HIBCH: variants seen among roughly 807,000 people sequenced by gnomAD.
HIBCH encodes the protein 3-hydroxyisobutyryl-CoA hydrolase, mitochondrial.
Under a neutral mutation model 58.2 loss-of-function variants are expected in HIBCH, and 50 were observed. That is an observed-to-expected ratio of 0.86 (90% CI 0.68 to 1.09). The LOEUF (loss-of-function observed/expected upper bound fraction) is 1.09, where lower values mean the gene tolerates loss of function less well. Ranked by LOEUF, HIBCH falls within the 50% of genes least tolerant of loss-of-function variation. HIBCH has a pLI of 0.00. For synonymous variants in HIBCH, 151 were observed against 146.9 expected, an observed-to-expected ratio of 1.03 and a Z score of -0.20; for missense variants, 450 against 449.7, an observed-to-expected ratio of 1.00 and a Z score of -0.01.
intron 11 of HIBCH, among the ~76,000 whole-genome samples, chr2:190,227,952 G>GTTTACATTTACAGTTTGT (rs1237000306): frequency 1.3e-5 from 2 of 152,168 alleles, no homozygotes; most frequent in Admixed American, 6.5e-5. Context: ...CATTGTTTGT[G>GTTTACATTTACAGTTTGT]GGACTGTAAA....
chr2:190,196,694 G>A (rs1426854310), intron 1 of HIBCH, among the ~76,000 whole-genome samples: 1 of 152,040 alleles, frequency 6.6e-6, no homozygotes, highest in Non-Finnish European at 1.5e-5. Context: ...GATTATTTCT[G>A]TTTGAACTTA....
At chr2:190,247,344 C>T (rs973329182) in intron 9 of HIBCH, among the ~76,000 whole-genome samples, 2 of 152,114 alleles carry the variant, frequency 1.3e-5, no homozygotes, top group African/African-American at 2.4e-5. Context: ...CTTCAACCAC[C>T]GCAAAGCATA....
chr2:190,277,909 C>G (rs1687598404), intron 6 of HIBCH, among the ~76,000 whole-genome samples: 1 of 152,212 alleles, frequency 6.6e-6, no homozygotes, highest in Non-Finnish European at 1.5e-5. Flanking sequence ...CTGCCAGATT[C>G]ATGAATTGTT....
At chr2:190,296,691 G>A in intron 3 of HIBCH, 122 bp downstream of exon 3, 1 of 899,360 alleles carries the variant, frequency 1.1e-6, no homozygotes, top group Non-Finnish European at 1.8e-6. Flanking sequence ...AAGAATTGAT[G>A]GGGCTTACTT....
chr2:190,260,540 C>T (rs1354681943), intron 7 of HIBCH: 1 of 152,098 alleles, frequency 6.6e-6, no homozygotes, highest in African/African-American at 2.4e-5. Flanking sequence ...GATAAAGAAC[C>T]TATATAGCCA....
chr2:190,257,833 C>A (rs749591325), intron 7 of HIBCH, among the ~76,000 whole-genome samples: 2 of 152,056 alleles, frequency 1.3e-5, no homozygotes, highest in Non-Finnish European at 2.9e-5. Flanking sequence ...AACTAACCTG[C>A]AAAAACTGGA....
chr2:190,222,136 A>G (rs774632120), intron 11 of HIBCH, among the ~76,000 whole-genome samples: 1 of 152,148 alleles, frequency 6.6e-6, no homozygotes, highest in Non-Finnish European at 1.5e-5. Context: ...GGCACCCCCT[A>G]GACGCTGCTG....
intron 6 of HIBCH, among the ~76,000 whole-genome samples, chr2:190,266,746 G>A (rs781604116): frequency 8.7e-5 from 13 of 149,688 alleles, no homozygotes; most frequent in African/African-American, 1.5e-4. Context: ...AAAATGAGCC[G>A]TTTTTATTTT....
Position 190,210,595 on chromosome 2 carries a change from T to C in HIBCH, c.1012-1682A>G, listed in dbSNP as rs929873538. On this transcript the variant is annotated intron_variant, in intron 12 of 13. Transcript: ENST00000359678. This position sits in a 1 kb window ranked among gnomAD's most constrained non-coding sequence, Gnocchi z 5.5. ...ATAATCACCTAGTGGCTTCCCATTT[T>C]ACTCAGCCAAAGTCCTTAGAGAGAC... 6.6e-6 allele frequency among the ~76,000 whole-genome samples: 1 copy of C among 152,196 alleles called. No homozygotes were observed. The highest frequency in any genetic ancestry group is 1.5e-5 in the Non-Finnish European group (1 of 68,040).
rs913469355 is a variant in HIBCH at position 190,206,608 on chromosome 2, C to G, written c.1046-1376G>C. Among the ~76,000 whole-genome samples the G allele has an allele frequency of 6.6e-6, 1 of 152,124 alleles. No homozygotes were observed. On this transcript the variant is annotated intron_variant, in intron 13 of 13. Transcript: ENST00000359678. This position sits in a 1 kb window ranked among gnomAD's most constrained non-coding sequence, Gnocchi z 5.1. The stretch of plus-strand genomic sequence containing the variant: ...GGGTATCCAGCTCCACTAAGATGGT[C>G]TTTTTTTCTTCTTCTATAACCACAA...
chr2:190,303,408 G>A (rs1271119454), intron 2 of HIBCH, among the ~76,000 whole-genome samples: 2 of 144,684 alleles, frequency 1.4e-5, no homozygotes, highest in Non-Finnish European at 3.0e-5. Context: ...TGAGTCCAGA[G>A]CATACCTTCT....
intron 2 of HIBCH, among the ~76,000 whole-genome samples, chr2:190,309,444 AATTT>A (rs1559065910): frequency 6.6e-6 from 1 of 152,186 alleles, no homozygotes; most frequent in African/African-American, 2.4e-5. Flanking sequence ...AAGTGAATAA[AATTT>A]ATTTCTTCCT....
chr2:190,247,880 C>T lies in HIBCH; in HGVS notation c.751-1668G>A, dbSNP rs1686654228. 2.0e-5 allele frequency among the ~76,000 whole-genome samples: 3 copies of T among 152,244 alleles called. No homozygotes were observed. In the South Asian group the frequency reaches 6.2e-4, roughly 32 times the overall value. On this transcript the variant is annotated intron_variant, in intron 9 of 13. Coordinates refer to ENST00000359678, the MANE Select transcript of HIBCH (RefSeq NM_014362.4). ...TAACTATAAATTAATAAGATACGTA[C>T]TTGTGCTTAGAAATGATGCTCCTGC...
At chr2:190,297,461 T>C (rs1688132303) in intron 2 of HIBCH, among the ~76,000 whole-genome samples, 1 of 152,158 alleles carries the variant, frequency 6.6e-6, no homozygotes, top group Admixed American at 6.5e-5. Context: ...TATTTGGAAA[T>C]GTTAAGATGT....
At chr2:190,300,832 T>C (rs377195746) in intron 2 of HIBCH, among the ~76,000 whole-genome samples, 8 of 152,340 alleles carry the variant, frequency 5.3e-5, no homozygotes, top group African/African-American at 1.4e-4. Context: ...TTTTTGTATA[T>C]AGTGTAAGCA....
At chr2:190,310,838 A>G in intron 1 of HIBCH, 42 bp from the exon 2 acceptor site, 2 of 1,392,332 alleles carry the variant, frequency 1.4e-6, no homozygotes, top group Non-Finnish European at 2.0e-6. Context: ...TAATGTGGGT[A>G]GTCATGTCTC....
intron 11 of HIBCH, among the ~76,000 whole-genome samples, chr2:190,237,122 A>G (rs2105925638): frequency 6.6e-6 from 1 of 152,330 alleles, no homozygotes; most frequent in East Asian, 1.9e-4. Context: ...AATTATATAT[A>G]ATAAAATTCA....
intron 7 of HIBCH, among the ~76,000 whole-genome samples, chr2:190,259,132 G>A (rs1475616418): frequency 6.6e-6 from 1 of 151,986 alleles, no homozygotes; most frequent in East Asian, 1.9e-4. Context: ...TTTTAGAATT[G>A]TTTTTTCTAT....
chr2:190,193,937 C>T (rs58657055), intron 1 of HIBCH, among the ~76,000 whole-genome samples: 2,664 of 152,072 alleles, frequency 0.018, 67 homozygotes, highest in African/African-American at 0.059. Context: ...TATAAATTTC[C>T]TTCTAAGCTC....
Sources: gnomAD v4.1 joint callset for allele counts (sites outside exome capture counted in the v4.1 genomes callset) on GRCh38, gnomAD v4.1.1 for gene constraint, Gnocchi (gnomAD v3.1) non-coding constraint, MANE v1.5 for transcripts, NCBI Gene and HGNC (gene_info 2026-07-23, HGNC 2026-07-21) for gene names.